The following HDAC9 variants were observed in gnomAD, a reference collection of about 807,000 sequenced individuals.
HDAC9 encodes MEF-2 interacting transcription repressor (MITR) protein.
A neutral mutation model predicts 139.4 loss-of-function variants in HDAC9; 41 were observed. That is an observed-to-expected ratio of 0.29 (90% CI 0.23 to 0.38). HDAC9 has a LOEUF of 0.38. Among genes scored for constraint, HDAC9 ranks in the 10% least tolerant of loss-of-function variants. HDAC9 has a pLI of 1.00. For synonymous variants in HDAC9, 517 were observed against 476.2 expected, an observed-to-expected ratio of 1.09 and a Z score of -1.12; for missense variants, 1,147 against 1,297.0, an observed-to-expected ratio of 0.88 and a Z score of 1.78.
intron 1 of HDAC9, among the ~76,000 whole-genome samples, chr7:18,354,554 T>G (rs1477928935): frequency 6.6e-6 from 1 of 152,184 alleles, no homozygotes; most frequent in Non-Finnish European, 1.5e-5. Flanking sequence ...GGTTTGATTC[T>G]CTACTGGTTT....
chr7:18,743,267 T>C (rs1205087376), intron 13 of HDAC9, among the ~76,000 whole-genome samples: 1 of 152,166 alleles, frequency 6.6e-6, no homozygotes, highest in Admixed American at 6.5e-5. Flanking sequence ...CATATAGTGT[T>C]AGTTGGAAGG....
At chr7:18,975,631 G>A (rs1011639536) in intron 24 of HDAC9, among the ~76,000 whole-genome samples, 175 bp from the exon 25 acceptor site, 1 of 152,194 alleles carries the variant, frequency 6.6e-6, no homozygotes, top group East Asian at 1.9e-4. Flanking sequence ...TCACAACTTG[G>A]CATTCTTATA....
intron 12 of HDAC9, among the ~76,000 whole-genome samples, chr7:18,703,721 T>G (rs1783677759): frequency 6.6e-6 from 1 of 151,846 alleles, no homozygotes; most frequent in Non-Finnish European, 1.5e-5. Flanking sequence ...GAAGAAAAAT[T>G]ATGATATTTC....
intron 1 of HDAC9, among the ~76,000 whole-genome samples, chr7:18,356,071 T>C (rs1783238905): frequency 6.6e-6 from 1 of 152,122 alleles, no homozygotes; most frequent in Non-Finnish European, 1.5e-5. Flanking sequence ...TTATGGTATC[T>C]AAATATACCT....
At chr7:18,480,601 G>T (rs1218953584) in intron 1 of HDAC9, among the ~76,000 whole-genome samples, 1 of 152,102 alleles carries the variant, frequency 6.6e-6, no homozygotes. Context: ...GCTGAATAAA[G>T]CATTTCCAGT....
At chr7:18,670,436 G>T (rs1016741899) in intron 12 of HDAC9, among the ~76,000 whole-genome samples, 1 of 152,060 alleles carries the variant, frequency 6.6e-6, no homozygotes, top group Non-Finnish European at 1.5e-5. Context: ...GCTATAAACT[G>T]TGTTTAGGCA....
rs1250304848 is a variant in HDAC9, at chr7:18,762,672, C to T, written c.2164+395C>T. ...TATCTTTTAGTTCTTTGTTCTATGA[C>T]CTTAAGAAACAAAGGAAATAGTACA... On this transcript the variant is annotated intron_variant, in intron 15 of 25. Coordinates refer to ENST00000686413, the MANE Select transcript of HDAC9 (RefSeq NM_178425.4). Among the ~76,000 whole-genome samples the T allele has an allele frequency of 2.0e-5, 3 of 152,126 alleles. No individual in the cohort carries two copies. In the East Asian group the frequency reaches 5.8e-4, roughly 29 times the overall value.
intron 1 of HDAC9, among the ~76,000 whole-genome samples, chr7:18,314,541 A>G (rs654868): frequency 0.68 from 103,922 of 152,060 alleles, 36,281 homozygotes; most frequent in South Asian, 0.81. Flanking sequence ...CTGTTGGTGC[A>G]TTGGCAAGAA....
intron 1 of HDAC9, among the ~76,000 whole-genome samples, chr7:18,306,505 G>T (rs1406550767): frequency 2.6e-5 from 4 of 152,190 alleles, no homozygotes; most frequent in African/African-American, 4.8e-5. Context: ...AAGAAAAGAT[G>T]ATAGTAATCT....
At chr7:18,597,815 G>C (rs1832889739) in intron 6 of HDAC9, among the ~76,000 whole-genome samples, 1 of 152,080 alleles carries the variant, frequency 6.6e-6, no homozygotes, top group Non-Finnish European at 1.5e-5. Context: ...ACCTCTTAAA[G>C]TGCACAAGCC....
chr7:18,184,473 T>C (rs1167742696), intron 2 of HDAC9, among the ~76,000 whole-genome samples: 1 of 152,200 alleles, frequency 6.6e-6, no homozygotes, highest in African/African-American at 2.4e-5. Flanking sequence ...TTAATTTATG[T>C]TTCATACATA....
chr7:18,246,335 G>T (rs572476166), intron 2 of HDAC9, among the ~76,000 whole-genome samples: 1 of 151,576 alleles, frequency 6.6e-6, no homozygotes, highest in African/African-American at 2.4e-5. Flanking sequence ...TTGGAAGTCT[G>T]CTTGGCATTT....
At chr7:18,121,696 T>G (rs1312357282) in intron 1 of HDAC9, among the ~76,000 whole-genome samples, 1 of 152,198 alleles carries the variant, frequency 6.6e-6, no homozygotes, top group African/African-American at 2.4e-5. Flanking sequence ...ATTCCAGCTT[T>G]TCAACGTGAA....
At chr7:18,775,621 C>G (rs762603919) in intron 16 of HDAC9, among the ~76,000 whole-genome samples, 4 of 151,892 alleles carry the variant, frequency 2.6e-5, no homozygotes, top group Admixed American at 6.6e-5. Flanking sequence ...CATGTACTGT[C>G]CAATACCATC....
At chr7:18,937,030 ATTT>A (rs768350029) in intron 23 of HDAC9, among the ~76,000 whole-genome samples, 1,806 of 96,656 alleles carry the variant, frequency 0.019, 25 homozygotes, top group African/African-American at 0.066. Flanking sequence ...GCTCTTGTTA[ATTT>A]TTTTTTTTTT....
chr7:18,923,770 C>T (rs1803969508), intron 22 of HDAC9, among the ~76,000 whole-genome samples: 1 of 152,062 alleles, frequency 6.6e-6, no homozygotes, highest in Non-Finnish European at 1.5e-5. Context: ...AAAGGAAAGA[C>T]TCCCTTTTCA....
At chr7:18,450,699 T>G (rs1792735911) in intron 1 of HDAC9, among the ~76,000 whole-genome samples, 1 of 152,176 alleles carries the variant, frequency 6.6e-6, no homozygotes, top group Admixed American at 6.6e-5. Context: ...AATTGTGCTT[T>G]CATTGTTTCT....
chr7:18,449,051 A>C (rs1251825681), intron 1 of HDAC9, among the ~76,000 whole-genome samples: 1 of 152,172 alleles, frequency 6.6e-6, no homozygotes. Flanking sequence ...TGGCAAAATT[A>C]AGCCCAAAAC....
chr7:18,455,636 C>G (rs1474119836), intron 1 of HDAC9, among the ~76,000 whole-genome samples: 2 of 152,120 alleles, frequency 1.3e-5, no homozygotes, highest in African/African-American at 4.8e-5. Context: ...GTTGCACACC[C>G]AGAAGACAGT....
Sources: gnomAD v4.1 joint callset for allele counts (sites outside exome capture counted in the v4.1 genomes callset) on GRCh38, gnomAD v4.1.1 for gene constraint, MANE v1.5 for transcripts, NCBI Gene and HGNC (gene_info 2026-07-23, HGNC 2026-07-21) for gene names.